The following FOCAD variants were observed in gnomAD, a reference collection of about 807,000 sequenced individuals.
FOCAD encodes KIAA1797.
A neutral mutation model predicts 225.6 loss-of-function variants in FOCAD; 198 were observed. The observed-to-expected ratio is 0.88, with a 90% CI of 0.78 to 0.99. The LOEUF (loss-of-function observed/expected upper bound fraction) is 0.99. Ranked by LOEUF, FOCAD falls within the 50% of genes least tolerant of loss-of-function variation. The pLI is 0.00. For synonymous variants in FOCAD, 897 were observed against 755.0 expected (o/e 1.19, Z -3.08); for missense variants, 2,713 against 2,123.6 (o/e 1.28, Z -5.46).
chr9:20,667,444 G>C (rs1821928663), intron 2 of FOCAD, among the ~76,000 whole-genome samples: 1 of 152,156 alleles, frequency 6.6e-6, no homozygotes, highest in Admixed American at 6.5e-5. Context: ...TTATAATTGG[G>C]AATTTAAATT....
chr9:20,879,428 G>A (rs1022043684), intron 19 of FOCAD, among the ~76,000 whole-genome samples: 3 of 152,194 alleles, frequency 2.0e-5, no homozygotes, highest in Admixed American at 2.0e-4. Context: ...GGATTATGGT[G>A]TGTGGGACTG....
Position 20,929,339 on chromosome 9 carries a change from T to C in FOCAD, c.3079-19T>C. The C allele has an allele frequency of 6.2e-7, 1 of 1,604,490 alleles. No individual in the cohort carries two copies. Among genetic ancestry groups the C allele is most frequent in the Admixed American group, 1.7e-5 (1 of 59,832 alleles). ...CATGTTTAAGGCTAACCCTGTTTTCTTTCTTTGGCATGTCCTAGAAGTCCT... is the reference window on the plus strand; with the variant it reads ...CATGTTTAAGGCTAACCCTGTTTTCCTTCTTTGGCATGTCCTAGAAGTCCT... On this transcript the variant is annotated intron_variant, in intron 26 of 43. Coordinates refer to ENST00000338382, the MANE Select transcript of FOCAD (RefSeq NM_001375567.1).
At chr9:20,751,665 A>G (rs1338665793) in intron 5 of FOCAD, among the ~76,000 whole-genome samples, 2 of 147,808 alleles carry the variant, frequency 1.4e-5, no homozygotes, top group Non-Finnish European at 3.0e-5. Flanking sequence ...TCCTTTGGGT[A>G]TATACCCAGT....
chr9:20,708,686 G>A (rs374634125), intron 1 of FOCAD, among the ~76,000 whole-genome samples: 12 of 152,148 alleles, frequency 7.9e-5, no homozygotes, highest in African/African-American at 2.9e-4. Context: ...GAGGATGGGC[G>A]GATCACTTGA....
chr9:20,712,837 A>AT (rs1824974788), intron 1 of FOCAD, among the ~76,000 whole-genome samples: 1 of 142,066 alleles, frequency 7.0e-6, no homozygotes, highest in Admixed American at 7.4e-5. Context: ...GGTTCAAGTG[A>AT]TTCTCCTATC....
intron 15 of FOCAD, among the ~76,000 whole-genome samples, chr9:20,860,009 A>G (rs1010300338): frequency 2.1e-4 from 32 of 152,070 alleles, no homozygotes; most frequent in African/African-American, 7.5e-4. Flanking sequence ...CTTTGTAAGT[A>G]TACCAAAAAC....
intron 27 of FOCAD, among the ~76,000 whole-genome samples, chr9:20,930,428 C>T (rs898547457): frequency 6.6e-6 from 1 of 152,082 alleles, no homozygotes; most frequent in Admixed American, 6.6e-5. Flanking sequence ...GCCCTGTTTT[C>T]CTACTTTGGA....
chr9:20,952,665 G>T, intron 34 of FOCAD: 2 of 357,954 alleles, frequency 5.6e-6, no homozygotes, highest in East Asian at 7.8e-5. Flanking sequence ...CACTGGATTA[G>T]GGCTTATTGA....
chr9:20,692,131 A>C (rs1319663832), intron 1 of FOCAD, among the ~76,000 whole-genome samples: 1 of 151,762 alleles, frequency 6.6e-6, no homozygotes, highest in East Asian at 1.9e-4. Flanking sequence ...TGAACTCCTG[A>C]CTCCGTATAT....
chr9:20,755,528 C>T (rs902223312), intron 5 of FOCAD, among the ~76,000 whole-genome samples: 2 of 152,112 alleles, frequency 1.3e-5, no homozygotes, highest in African/African-American at 2.4e-5. Flanking sequence ...AGATTCTTAG[C>T]GGTTTTTTTT....
At chr9:20,663,697 A>T (rs1466912887) in intron 2 of FOCAD, among the ~76,000 whole-genome samples, 1 of 152,186 alleles carries the variant, frequency 6.6e-6, no homozygotes, top group Non-Finnish European at 1.5e-5. Context: ...GTGTGAGGAA[A>T]ACAATACGTA....
chr9:20,813,926 T>C (rs879873444), intron 11 of FOCAD, among the ~76,000 whole-genome samples: 13 of 152,216 alleles, frequency 8.5e-5, no homozygotes, highest in Admixed American at 3.9e-4. Context: ...GTTGCATATA[T>C]ATAATTATCG....
At chr9:20,877,268 G>A (rs1052671324) in intron 19 of FOCAD, among the ~76,000 whole-genome samples, 1 of 152,058 alleles carries the variant, frequency 6.6e-6, no homozygotes, top group Non-Finnish European at 1.5e-5. Flanking sequence ...TAGCATAATT[G>A]TAATTGCCGA....
intron 35 of FOCAD, among the ~76,000 whole-genome samples, chr9:20,974,929 T>C (rs1404033766): frequency 6.6e-6 from 1 of 152,206 alleles, no homozygotes; most frequent in Non-Finnish European, 1.5e-5. Context: ...CTGCTTCTCC[T>C]TCTTCCTATG....
At chr9:20,774,358 T>A (rs1443941037) in intron 8 of FOCAD, among the ~76,000 whole-genome samples, 1 of 152,196 alleles carries the variant, frequency 6.6e-6, no homozygotes, top group East Asian at 1.9e-4. Context: ...CTTTTTATGA[T>A]GTTAGTAGTT....
intron 5 of FOCAD, among the ~76,000 whole-genome samples, chr9:20,756,758 A>T (rs1196144579): frequency 6.6e-6 from 1 of 152,210 alleles, no homozygotes; most frequent in Non-Finnish European, 1.5e-5. Context: ...AATCACCATG[A>T]AGGCAATCTT....
At chr9:20,804,179 G>T (rs1822160834) in intron 11 of FOCAD, among the ~76,000 whole-genome samples, 2 of 151,912 alleles carry the variant, frequency 1.3e-5, no homozygotes, top group African/African-American at 4.8e-5. Flanking sequence ...ATTCACTTTA[G>T]CTTAAGCTTT....
At chr9:20,775,834 C>T (rs1818702693) in intron 8 of FOCAD, among the ~76,000 whole-genome samples, 2 of 151,972 alleles carry the variant, frequency 1.3e-5, no homozygotes, top group South Asian at 2.1e-4. Flanking sequence ...AGTATAAAGG[C>T]ATTTACTCAT....
chr9:20,895,114 A>G (rs1429469345), intron 21 of FOCAD, among the ~76,000 whole-genome samples: 2 of 152,006 alleles, frequency 1.3e-5, no homozygotes, highest in African/African-American at 4.8e-5. Flanking sequence ...TCATTCTCAA[A>G]TATTAACGGA....
Sources: gnomAD v4.1 joint callset for allele counts (sites outside exome capture counted in the v4.1 genomes callset) on GRCh38, gnomAD v4.1.1 for gene constraint, MANE v1.5 for transcripts, NCBI Gene and HGNC (gene_info 2026-07-23, HGNC 2026-07-21) for gene names.